The following KCNIP2 variants were observed in gnomAD, a reference collection of about 807,000 sequenced individuals.
KCNIP2 encodes the protein A-type potassium channel modulatory protein KCNIP2.
Under a neutral mutation model 39.0 loss-of-function variants are expected in KCNIP2, and 19 were observed. The observed-to-expected ratio is 0.49, with a 90% CI of 0.34 to 0.71. KCNIP2 has a LOEUF of 0.71. Among genes scored for constraint, KCNIP2 ranks in the 30% least tolerant of loss-of-function variants. The pLI, the probability that KCNIP2 is intolerant of heterozygous loss-of-function variation, is 0.01. For missense variants in KCNIP2, 261 were observed against 346.0 expected (o/e 0.75, Z 1.95); for synonymous variants, 111 against 131.2 (o/e 0.85, Z 1.05).
At chr10:101,830,338 C>T (rs2065923728) in intron 2 of KCNIP2, 1 of 1,182,914 alleles carries the variant, frequency 8.5e-7, no homozygotes. Flanking sequence ...CACCTGTCAC[C>T]ATCCTGTCGG....
Position 101,838,182 on chromosome 10 carries a change from G to A in KCNIP2, c.73+5314C>T, listed in dbSNP as rs1180888060. On this transcript the variant is annotated intron_variant, in intron 1 of 9. Transcript: ENST00000356640. This position sits in a 1 kb window ranked among gnomAD's most constrained non-coding sequence, Gnocchi z 4.0. Reference sequence around the variant, plus strand: ...TCCTCCCCAAGCATCCCTGTGCCACGAATTTAGCTCTTCACTCAAAGTAAA... The same window carrying A: ...TCCTCCCCAAGCATCCCTGTGCCACAAATTTAGCTCTTCACTCAAAGTAAA... 6.6e-6 allele frequency among the ~76,000 whole-genome samples: 1 copy of A among 152,172 alleles called. No homozygotes were observed. The highest frequency in any genetic ancestry group is 1.9e-4 in the East Asian group (1 of 5,202).
intron 1 of KCNIP2, among the ~76,000 whole-genome samples, chr10:101,835,531 A>T (rs1020647742): frequency 1.3e-5 from 2 of 152,180 alleles, no homozygotes; most frequent in Middle Eastern, 3.4e-3. Flanking sequence ...CCTGCTCCTT[A>T]GGAACTGTTA....
rs560293299 is a variant in KCNIP2, at chr10:101,838,526, A to C, written c.73+4970T>G. Among the ~76,000 whole-genome samples, 2 of 150,918 alleles carry C rather than the reference A, an allele frequency of 1.3e-5. No homozygotes were observed. The highest frequency in any genetic ancestry group is 3.9e-4 in the East Asian group (2 of 5,092). On this transcript the variant is annotated intron_variant, in intron 1 of 9. Coordinates refer to ENST00000356640, the MANE Select transcript of KCNIP2 (RefSeq NM_173191.3). This position sits in a 1 kb window ranked among gnomAD's most constrained non-coding sequence, Gnocchi z 4.0. ...CTAGGCCAAAGACACTGCAGCCCCC[A>C]GCTGCATCGAGTGATTAATGACCTC... is the stretch of plus-strand genomic sequence containing the variant.
intron 2 of KCNIP2, 179 bp from the exon 3 acceptor site, chr10:101,830,076 C>A: frequency 1.4e-6 from 1 of 733,182 alleles, no homozygotes. Flanking sequence ...CACGCCTGTC[C>A]TTTTCCGAAT....
intron 1 of KCNIP2, among the ~76,000 whole-genome samples, chr10:101,831,640 G>T (rs1297004326): frequency 6.6e-6 from 1 of 151,912 alleles, no homozygotes; most frequent in Non-Finnish European, 1.5e-5. Context: ...GGCGTAATAT[G>T]CATGCTCACA....
Position 101,843,639 on chromosome 10 carries a change from C to A in KCNIP2, c.-71G>T. 3.4e-6 allele frequency: 3 copies of A among 871,886 alleles called. No individual in the cohort carries two copies. Among genetic ancestry groups the A allele is most frequent in the South Asian group, 4.3e-5 (2 of 46,978 alleles). 54.0% of individuals were successfully genotyped at this position (871,886 alleles called of 1,614,324 possible). On this transcript the variant is annotated 5_prime_UTR_variant, in exon 1 of 10. Coordinates refer to ENST00000356640, the MANE Select transcript of KCNIP2 (RefSeq NM_173191.3). The surrounding 1 kb of genome is among the most constrained non-coding windows in gnomAD (Gnocchi z 6.7). Reference sequence around the variant, plus strand: ...GGGTGGCCGGGATAGGGCGCTCACACGGCGCCCCCTGGCGGCCTACTGTGC... The same window carrying A: ...GGGTGGCCGGGATAGGGCGCTCACAAGGCGCCCCCTGGCGGCCTACTGTGC...
At chr10:101,831,226 G>A in intron 1 of KCNIP2, 59 bp from the exon 2 acceptor site, 1 of 1,273,970 alleles carries the variant, frequency 7.8e-7, no homozygotes. Flanking sequence ...TCTGTTCCCT[G>A]TCCCCTCCCC....
chr10:101,837,384 A>G (rs1378088971), intron 1 of KCNIP2, among the ~76,000 whole-genome samples: 1 of 152,080 alleles, frequency 6.6e-6, no homozygotes, highest in Non-Finnish European at 1.5e-5. Flanking sequence ...ATTAAGAATG[A>G]GTTTGGCTGG....
intron 1 of KCNIP2, among the ~76,000 whole-genome samples, chr10:101,836,803 A>C (rs1189541141): frequency 6.6e-6 from 1 of 152,180 alleles, no homozygotes; most frequent in Admixed American, 6.5e-5. Context: ...TCTACTAAAA[A>C]TACAAAAATT....
intron 1 of KCNIP2, chr10:101,839,853 A>G (rs1013387889): frequency 4.4e-6 from 7 of 1,588,872 alleles, no homozygotes; most frequent in Middle Eastern, 1.7e-4. Flanking sequence ...TTTGGCGGCG[A>G]GCTCGGCGTC....
chr10:101,841,458 T>C (rs1201818140), intron 1 of KCNIP2, among the ~76,000 whole-genome samples: 1 of 152,238 alleles, frequency 6.6e-6, no homozygotes, highest in Non-Finnish European at 1.5e-5. Context: ...TCTCCCGCTA[T>C]AAAATAAGCC....
intron 1 of KCNIP2, 27 bp from the exon 2 acceptor site, chr10:101,831,194 G>C: frequency 6.6e-7 from 1 of 1,506,478 alleles, no homozygotes; most frequent in South Asian, 1.2e-5. Context: ...CCCCAGGAAG[G>C]CACATTAACT....
intron 1 of KCNIP2, 97 bp from the exon 2 acceptor site, chr10:101,831,264 G>T: frequency 1.0e-6 from 1 of 959,698 alleles, no homozygotes; most frequent in Non-Finnish European, 1.6e-6. Flanking sequence ...CCCATCTGGG[G>T]ACCGGGCTGG....
intron 2 of KCNIP2, 66 bp downstream of exon 2, chr10:101,831,006 C>T (rs2065972601): frequency 7.3e-7 from 1 of 1,371,398 alleles, no homozygotes; most frequent in Admixed American, 1.8e-5. Flanking sequence ...CACGCGCACA[C>T]ACTCATGCAC....
At chr10:101,839,930 G>A (rs1307932741) in intron 1 of KCNIP2, 14 of 1,282,704 alleles carry the variant, frequency 1.1e-5, no homozygotes, top group Non-Finnish European at 1.4e-5. Context: ...CCGCGTGGGC[G>A]GCGCGGGAGG....
chr10:101,826,567 CCCACCACAA>C lies in KCNIP2; in HGVS notation c.*777_*785del, dbSNP rs2065754116. ...CCAGGACATCCCCCATCCACATTCC[CCCACCACAA>C]CCACCACCAACACATGCAGGAAGGA... On this transcript the variant is annotated 3_prime_UTR_variant, in exon 10 of 10. Coordinates refer to ENST00000356640, the MANE Select transcript of KCNIP2 (RefSeq NM_173191.3). The C allele has an allele frequency of 6.6e-6, 1 of 152,344 alleles. No individual in the cohort carries two copies. The highest frequency in any genetic ancestry group is 6.5e-5 in the Admixed American group (1 of 15,278). The allele number at this position is 152,344 out of a possible 1,614,324, so 9.4% of individuals were successfully genotyped here.
intron 1 of KCNIP2, among the ~76,000 whole-genome samples, chr10:101,832,157 G>C (rs982945115): frequency 6.6e-6 from 1 of 152,216 alleles, no homozygotes; most frequent in South Asian, 2.1e-4. Flanking sequence ...GTGGCAATAA[G>C]AGATCTTGGA....
intron 1 of KCNIP2, among the ~76,000 whole-genome samples, chr10:101,841,241 C>T (rs1217303733): frequency 6.6e-6 from 1 of 152,182 alleles, no homozygotes; most frequent in Non-Finnish European, 1.5e-5. Context: ...CCTGATGGGC[C>T]GGGAAGACGG....
chr10:101,834,393 AC>A (rs2066083669), intron 1 of KCNIP2: 1 of 399,006 alleles, frequency 2.5e-6, no homozygotes, highest in African/African-American at 2.1e-5. Flanking sequence ...CATGGCCCCT[AC>A]AGGGCCCAGG....
Sources: gnomAD v4.1 joint callset for allele counts (sites outside exome capture counted in the v4.1 genomes callset) on GRCh38, gnomAD v4.1.1 for gene constraint, Gnocchi (gnomAD v3.1) non-coding constraint, MANE v1.5 for transcripts, NCBI Gene and HGNC (gene_info 2026-07-23, HGNC 2026-07-21) for gene names.